The following SEZ6L2 variants were observed in gnomAD, a reference collection of about 807,000 sequenced individuals.
SEZ6L2 encodes seizure 6-like protein 2.
SEZ6L2 carries 44 observed loss-of-function variants against 97.0 expected under a neutral mutation model. The ratio of observed to expected loss-of-function variants is 0.45; its 90% CI spans 0.36 to 0.58. The LOEUF is 0.58. Among genes scored for constraint, SEZ6L2 ranks in the 20% least tolerant of loss-of-function variants. The pLI, the probability that SEZ6L2 is intolerant of heterozygous loss-of-function variation, is 0.00. For missense variants in SEZ6L2, 1,086 were observed against 1,233.3 expected (o/e 0.88, Z 1.79); for synonymous variants, 543 against 546.1 (o/e 0.99, Z 0.08).
chr16:29,887,904 C>A (rs2068183112), intron 6 of SEZ6L2, 87 bp from the exon 7 acceptor site: 1 of 1,439,074 alleles, frequency 6.9e-7, no homozygotes, highest in South Asian at 1.2e-5. Flanking sequence ...AGAACTGTTG[C>A]ATTCACACAT....
chr16:29,874,560 T>TG (rs2067861599), intron 12 of SEZ6L2, among the ~76,000 whole-genome samples: 2 of 79,738 alleles, frequency 2.5e-5, no homozygotes, highest in East Asian at 4.1e-4. Flanking sequence ...GTTTTTTTTT[T>TG]TTTTTTTTTT....
At chr16:29,891,246 T>C (rs918696288) in intron 5 of SEZ6L2, among the ~76,000 whole-genome samples, 5 of 143,676 alleles carry the variant, frequency 3.5e-5, no homozygotes, top group African/African-American at 7.4e-5. Flanking sequence ...GTATTTTCAG[T>C]ACAGACAGTG....
intron 8 of SEZ6L2, among the ~76,000 whole-genome samples, chr16:29,881,923 CCCG>C (rs2068039271): frequency 6.8e-6 from 1 of 146,610 alleles, no homozygotes; most frequent in East Asian, 2.1e-4. Flanking sequence ...AGCCACCATA[CCCG>C]GCCTTTTTTT....
intron 2 of SEZ6L2, among the ~76,000 whole-genome samples, chr16:29,897,357 C>T (rs1011052440): frequency 2.6e-5 from 4 of 151,584 alleles, no homozygotes; most frequent in African/African-American, 9.7e-5. Context: ...CAGCCCCTTC[C>T]ACCCTGATAC....
chr16:29,876,954 C>G lies in SEZ6L2; in HGVS notation c.1910-4G>C, dbSNP rs750029204. The stretch of plus-strand genomic sequence containing the variant: ...CACGTGTCGTTCCTCGGGACCTCTG[C>G]AGGGGAGGGAAGGCGAGTTTGGAGG... On this transcript the variant is annotated splice_polypyrimidine_tract_variant and splice_region_variant and intron_variant, in intron 11 of 17. Transcript: ENST00000617533. This position sits in a 1 kb window ranked among gnomAD's most constrained non-coding sequence, Gnocchi z 6.5. 1.3e-6 allele frequency: 2 copies of G among 1,592,634 alleles called. No individual in the cohort carries two copies. The highest frequency in any genetic ancestry group is 1.7e-6 in the Non-Finnish European group (2 of 1,164,930).
intron 7 of SEZ6L2, 88 bp from the exon 8 acceptor site, chr16:29,885,837 C>T (rs1428194368): frequency 7.6e-7 from 1 of 1,315,858 alleles, no homozygotes; most frequent in African/African-American, 1.5e-5. Context: ...ATTTTTATAG[C>T]TGTTATCATC....
At chr16:29,898,824 G>A in intron 1 of SEZ6L2, 117 bp downstream of exon 1, 1 of 773,000 alleles carries the variant, frequency 1.3e-6, no homozygotes, top group Non-Finnish European at 2.1e-6. Context: ...TTCCCCATCA[G>A]CTGTGCCTCT....
chr16:29,887,142 C>T (rs187395254), intron 7 of SEZ6L2, among the ~76,000 whole-genome samples: 6 of 148,736 alleles, frequency 4.0e-5, no homozygotes, highest in African/African-American at 1.5e-4. Flanking sequence ...GACTGCGGCA[C>T]TGCACTCCAG....
rs543648309 is a variant in SEZ6L2, at chr16:29,873,208, G to C, written c.2488+32C>G. 5 of 1,609,964 alleles carry C rather than the reference G, an allele frequency of 3.1e-6. No homozygotes were observed. In the South Asian group the frequency reaches 5.5e-5, roughly 18 times the overall value. ...CAGCCCTGTCACTTCCCGGACACTGGTGTGCCCCTCCTGCCCTGTCTGGCC... is the reference window on the plus strand; with the variant it reads ...CAGCCCTGTCACTTCCCGGACACTGCTGTGCCCCTCCTGCCCTGTCTGGCC... On this transcript the variant is annotated intron_variant, in intron 14 of 17. Coordinates refer to ENST00000617533, the MANE Select transcript of SEZ6L2 (RefSeq NM_001243332.2). The surrounding 1 kb of genome is among the most constrained non-coding windows in gnomAD (Gnocchi z 4.3).
In SEZ6L2 at chr16:29,876,677, G is replaced by T; in HGVS notation, c.2104+79C>A. The stretch of plus-strand genomic sequence containing the variant: ...AAGGGATGGAACCCAGAAAGCACGG[G>T]GGTCGGGACAGGACAGGCCGACGAC... On this transcript the variant is annotated intron_variant, in intron 12 of 17. Transcript: ENST00000617533. The surrounding 1 kb of genome is among the most constrained non-coding windows in gnomAD (Gnocchi z 6.5). 7.6e-7 allele frequency: 1 copy of T among 1,308,670 alleles called. No homozygotes were observed. Among genetic ancestry groups the T allele is most frequent in the East Asian group, 2.6e-5 (1 of 38,724 alleles). 81.1% of individuals were successfully genotyped at this position (1,308,670 alleles called of 1,614,324 possible). A position where few individuals can be genotyped will look rare whatever the true frequency, so the allele number is the denominator to read the frequency against.
chr16:29,885,653 C>T lies in SEZ6L2; in HGVS notation c.1305G>A (p.Gln435=). 2 of 1,614,024 alleles carry T rather than the reference C, an allele frequency of 1.2e-6. No individual in the cohort carries two copies. The highest frequency in any genetic ancestry group is 1.7e-6 in the Non-Finnish European group (2 of 1,179,986). ...VPERGLISDA[Q]SLYVELLSET... Reference sequence around the variant, plus strand: ...CTGACAGCAGCTCCACGTAGAGGGACTGGGCGTCACTGATGAGACCCCGCT... The same window carrying T: ...CTGACAGCAGCTCCACGTAGAGGGATTGGGCGTCACTGATGAGACCCCGCT... Residue 435 remains glutamine, a synonymous_variant, in exon 8 of 18, where the codon CAG becomes CAA. Transcript: ENST00000617533.
Position 29,873,083 on chromosome 16 carries a change from A to T in SEZ6L2, c.2488+157T>A, listed in dbSNP as rs1008123787. On this transcript the variant is annotated intron_variant, in intron 14 of 17. Coordinates refer to ENST00000617533, the MANE Select transcript of SEZ6L2 (RefSeq NM_001243332.2). This position sits in a 1 kb window ranked among gnomAD's most constrained non-coding sequence, Gnocchi z 4.3. ...CCAATCCCATGACCTCACACGACCC[A>T]GGGCTTCTGGACACACCCGTGAGGA... 6.6e-6 allele frequency among the ~76,000 whole-genome samples: 1 copy of T among 152,212 alleles called. No individual in the cohort carries two copies. The highest frequency in any genetic ancestry group is 1.5e-5 in the Non-Finnish European group (1 of 68,028).
chr16:29,879,199 G>A (rs907120174), intron 9 of SEZ6L2, among the ~76,000 whole-genome samples: 18 of 147,418 alleles, frequency 1.2e-4, no homozygotes, highest in Non-Finnish European at 4.5e-5. Flanking sequence ...CACTGCTCCC[G>A]GCTTTATCCA....
At chr16:29,891,317 GCCTC>G (rs1229980134) in intron 5 of SEZ6L2, among the ~76,000 whole-genome samples, 4 of 151,488 alleles carry the variant, frequency 2.6e-5, no homozygotes, top group Non-Finnish European at 5.9e-5. Context: ...ACCTACCTTG[GCCTC>G]CCAAAGTGCT....
intron 4 of SEZ6L2, 59 bp downstream of exon 4, chr16:29,895,662 C>T (rs1276996709): frequency 6.4e-7 from 1 of 1,565,782 alleles, no homozygotes; most frequent in East Asian, 2.3e-5. Context: ...CCCGTGCACA[C>T]CCACAGCCCA....
chr16:29,887,262 C>T (rs937239397), intron 7 of SEZ6L2, among the ~76,000 whole-genome samples: 3 of 149,832 alleles, frequency 2.0e-5, no homozygotes, highest in African/African-American at 7.3e-5. Context: ...CAGCTGTGTC[C>T]AAGTCCCCAC....
At chr16:29,883,298 C>CCTTTTCTTTT (rs796933007) in intron 8 of SEZ6L2, among the ~76,000 whole-genome samples, 1 of 151,878 alleles carries the variant, frequency 6.6e-6, no homozygotes, top group East Asian at 1.9e-4. Flanking sequence ...TCCTCTCTTT[C>CCTTTTCTTTT]CTTTTCTTTT....
At chr16:29,895,096 G>A (rs948406417) in intron 5 of SEZ6L2, among the ~76,000 whole-genome samples, 163 bp downstream of exon 5, 3 of 150,944 alleles carry the variant, frequency 2.0e-5, no homozygotes, top group African/African-American at 7.3e-5. Context: ...GGAGAATGGC[G>A]TGAACCTGGG....
rs1246138142 is a variant in SEZ6L2 at position 29,876,780 on chromosome 16, C to G, written c.2080G>C (p.Ala694Pro). The change falls in exon 12 of 18, where the codon GCC (alanine) becomes CCC (proline). Residue 694 changes from alanine (A) to proline (P), a missense_variant. Physicochemically the swap from Ala to Pro is conservative, Grantham distance 27. Around this residue, in one of 2 missense-constraint regions of SEZ6L2, gnomAD observed 310 missense variants for 438.6 expected, o/e 0.71. Transcript: ENST00000617533. The surrounding 1 kb of genome is among the most constrained non-coding windows in gnomAD (Gnocchi z 6.5). ...LTCQWDLSWS[A>P]APPACQKIMT... ...CTCTTTTGGCAGGCGGGCGGCGCGG[C>G]GCTCCAAGACAGGTCCCACTGGCAA... is the stretch of plus-strand genomic sequence containing the variant. 1.9e-6 allele frequency: 3 copies of G among 1,558,678 alleles called. No individual in the cohort carries two copies. Among genetic ancestry groups the G allele is most frequent in the East Asian group, 2.4e-5 (1 of 41,424 alleles).
Sources: allele counts gnomAD v4.1 joint callset (sites outside exome capture counted in the v4.1 genomes callset), GRCh38; gene constraint gnomAD v4.1.1; regional missense constraint gnomAD v4.1.1; non-coding constraint Gnocchi (gnomAD v3.1); transcripts MANE v1.5; gene names NCBI Gene and HGNC (gene_info 2026-07-23, HGNC 2026-07-21).